Variants in GPSM1 observed in about 807,000 individuals in gnomAD.
The protein encoded by GPSM1 is G protein-signaling modulator 1.
A neutral mutation model predicts 70.5 loss-of-function variants in GPSM1; 48 were observed. The ratio of observed to expected loss-of-function variants is 0.68; its 90% CI spans 0.54 to 0.87. The LOEUF is 0.87. GPSM1 is among the 40% of genes least tolerant of loss of function. The pLI is 0.00. For missense variants in GPSM1, 981 were observed against 972.6 expected (o/e 1.01, Z -0.11); for synonymous variants, 416 against 430.1 (o/e 0.97, Z 0.41).
intron 11 of GPSM1, among the ~76,000 whole-genome samples, chr9:136,350,293 G>T (rs1338018883): frequency 6.6e-6 from 1 of 152,248 alleles, no homozygotes; most frequent in Non-Finnish European, 1.5e-5. Context: ...GGCCAGTGAG[G>T]TCAAGCCTGT....
chr9:136,354,045 G>A (rs907086938), intron 11 of GPSM1, among the ~76,000 whole-genome samples: 1 of 152,176 alleles, frequency 6.6e-6, no homozygotes, highest in Admixed American at 6.5e-5. Context: ...CAGGAGGAGA[G>A]CCCTGCGGGG....
intron 11 of GPSM1, among the ~76,000 whole-genome samples, chr9:136,353,485 C>T (rs1832726121): frequency 6.6e-6 from 1 of 152,172 alleles, no homozygotes; most frequent in Non-Finnish European, 1.5e-5. Context: ...TCCAGGAGCC[C>T]CAAACTATCC....
intron 11 of GPSM1, chr9:136,353,189 G>A: frequency 2.5e-6 from 2 of 795,982 alleles, no homozygotes; most frequent in Non-Finnish European, 3.0e-6. Context: ...CTAACAGGTG[G>A]AGGCTGAGGG....
chr9:136,358,601 C>A lies in GPSM1; in HGVS notation c.*381C>A. ...ACCCTCCCCAAAGGTGTCTCTGAGC[C>A]GCCTCTTGGGGCCACCAAGGACAGG... On this transcript the variant is annotated 3_prime_UTR_variant, in exon 14 of 14. Coordinates refer to ENST00000440944, the MANE Select transcript of GPSM1 (RefSeq NM_001145638.3). The A allele has an allele frequency of 2.9e-6, 1 of 346,006 alleles. No individual in the cohort carries two copies. Among genetic ancestry groups the A allele is most frequent in the South Asian group, 3.2e-5 (1 of 31,410 alleles). The allele number at this position is 346,006 out of a possible 1,614,324, so 21.4% of individuals were successfully genotyped here.
intron 7 of GPSM1, 33 bp from the exon 8 acceptor site, chr9:136,339,674 G>A (rs1832337637): frequency 1.4e-6 from 2 of 1,417,826 alleles, no homozygotes; most frequent in Non-Finnish European, 1.9e-6. Context: ...GCCTGGAGAG[G>A]GCGGGTATGA....
intron 2 of GPSM1, among the ~76,000 whole-genome samples, chr9:136,335,373 G>A (rs1446697859): frequency 2.0e-5 from 3 of 152,098 alleles, no homozygotes; most frequent in East Asian, 3.9e-4. Flanking sequence ...GTCTCCAGTC[G>A]GGTCCAGCCC....
At chr9:136,328,226 T>C (rs1832023608) in intron 1 of GPSM1, among the ~76,000 whole-genome samples, 1 of 152,222 alleles carries the variant, frequency 6.6e-6, no homozygotes, top group Admixed American at 6.5e-5. Flanking sequence ...TGTACCTGCC[T>C]GAAAAGGCAT....
chr9:136,347,376 G>A (rs551916709), intron 9 of GPSM1, among the ~76,000 whole-genome samples: 3 of 152,236 alleles, frequency 2.0e-5, no homozygotes, highest in East Asian at 1.9e-4. Flanking sequence ...GTGTGTCCAC[G>A]GGTGGAGGGA....
At chr9:136,350,674 T>G (rs1554771924) in intron 11 of GPSM1, among the ~76,000 whole-genome samples, 1 of 151,178 alleles carries the variant, frequency 6.6e-6, no homozygotes. Context: ...GGCCCCACCC[T>G]GCCCTACCCC....
rs142609178 is a variant in GPSM1 at position 136,331,269 on chromosome 9, G to A, written c.69-3178G>A. ...CCAGGCCCCACGTGGCCCTGACCCC[G>A]TCAGACCTGGGGCCCTGTTCGCACC... On this transcript the variant is annotated intron_variant, in intron 1 of 13. Transcript: ENST00000440944. 5.2e-3 allele frequency among the ~76,000 whole-genome samples: 787 copies of A among 152,116 alleles called. 12 individuals carry two copies. The highest frequency in any genetic ancestry group is 0.018 in the African/African-American group (748 of 41,482).
At chr9:136,350,915 T>A (rs1436511063) in intron 11 of GPSM1, among the ~76,000 whole-genome samples, 1 of 151,650 alleles carries the variant, frequency 6.6e-6, no homozygotes, top group Non-Finnish European at 1.5e-5. Context: ...GGGGGACAGG[T>A]GACAGGCCGG....
At chr9:136,352,551 G>A (rs956722891) in intron 11 of GPSM1, among the ~76,000 whole-genome samples, 1 of 152,234 alleles carries the variant, frequency 6.6e-6, no homozygotes, top group Non-Finnish European at 1.5e-5. Flanking sequence ...CAGAGAGGCA[G>A]CAACCAGAGG....
chr9:136,336,492 G>A lies in GPSM1; in HGVS notation c.426+391G>A, dbSNP rs1158471757. Among the ~76,000 whole-genome samples, 9 of 152,322 alleles carry A rather than the reference G, an allele frequency of 5.9e-5. No individual in the cohort carries two copies. In the South Asian group the frequency reaches 6.2e-4, roughly 11 times the overall value. On this transcript the variant is annotated intron_variant, in intron 3 of 13. Coordinates refer to ENST00000440944, the MANE Select transcript of GPSM1 (RefSeq NM_001145638.3). ...CAGCAGGAAGAGTGGCTCCGTCTCC[G>A]CTTGTGCTGGACCCGAGACAGGCTT...
chr9:136,356,496 C>A lies in GPSM1; in HGVS notation c.1767C>A (p.His589Gln). The change falls in exon 13 of 14, where the codon CAC becomes CAA. Residue 589 changes from histidine to glutamine, a missense_variant. Coordinates refer to ENST00000440944, the MANE Select transcript of GPSM1 (RefSeq NM_001145638.3). ...THSNAGHLRG[H>Q]GEPQEPGDDF... The stretch of plus-strand genomic sequence containing the variant: ...GCAATGCAGGGCACCTCCGAGGCCA[C>A]GGCGAGCCCCAGGAGCCGGGGGACG... The A allele has an allele frequency of 6.2e-7, 1 of 1,611,706 alleles. No individual in the cohort carries two copies. Among genetic ancestry groups the A allele is most frequent in the Non-Finnish European group, 8.5e-7 (1 of 1,179,256 alleles).
In GPSM1 at chr9:136,357,863, A is replaced by G; in HGVS notation, c.1822-151A>G. ...GCCCGGGCTCCCAGCACAAGACCCC[A>G]GAGCGAGGCAGGCCCCAGAACCAAT... is the stretch of plus-strand genomic sequence containing the variant. On this transcript the variant is annotated intron_variant, in intron 13 of 13. Transcript: ENST00000440944. 3 of 614,988 alleles carry G rather than the reference A, an allele frequency of 4.9e-6. No homozygotes were observed. The South Asian group carries it at 6.1e-5, about 12-fold the overall frequency. 38.1% of individuals were successfully genotyped at this position (614,988 alleles called of 1,614,324 possible).
intron 1 of GPSM1, among the ~76,000 whole-genome samples, chr9:136,333,417 T>TTGCTGGCCTTAAAGCAGGTGGGAGGCCAG (rs1832149740): frequency 6.6e-6 from 1 of 151,496 alleles, no homozygotes; most frequent in East Asian, 2.1e-4. Context: ...AGCCACGGAG[T>TTGCTGGCCTTAAAGCAGGTGGGAGGCCAG]GACCCCACAC....
chr9:136,356,351 C>G lies in GPSM1; in HGVS notation c.1622C>G (p.Ser541Trp). 6.3e-7 allele frequency: 1 copy of G among 1,587,580 alleles called. No homozygotes were observed. Among genetic ancestry groups the G allele is most frequent in the Non-Finnish European group, 8.6e-7 (1 of 1,165,312 alleles). Residue 541 changes from serine (S) to tryptophan (W), a missense_variant, in exon 13 of 14, where the codon TCG (serine) becomes TGG (tryptophan). Coordinates refer to ENST00000440944, the MANE Select transcript of GPSM1 (RefSeq NM_001145638.3). ...CTCTGGCCCCCCGCAGCCCAGCCCTCGATGACGGCCTCGCCCCAGACCGAG... is the reference window on the plus strand; with the variant it reads ...CTCTGGCCCCCCGCAGCCCAGCCCTGGATGACGGCCTCGCCCCAGACCGAG... The part of the protein sequence containing the change: ...PTLEDRIAQP[S>W]MTASPQTEEF...
intron 11 of GPSM1, among the ~76,000 whole-genome samples, chr9:136,352,828 C>CCCG (rs1185718154): frequency 1.3e-5 from 2 of 152,250 alleles, no homozygotes; most frequent in African/African-American, 4.8e-5. Context: ...CTCCAGTGTG[C>CCCG]CCGCCCACAG....
At chr9:136,331,701 C>T (rs28608803) in intron 1 of GPSM1, among the ~76,000 whole-genome samples, 43,883 of 152,144 alleles carry the variant, frequency 0.29, 7,305 homozygotes, top group Middle Eastern at 0.47. Context: ...GGGTGACTGA[C>T]GGGAGGGCAA....
Sources: gnomAD v4.1 joint callset for allele counts (sites outside exome capture counted in the v4.1 genomes callset) on GRCh38, gnomAD v4.1.1 for gene constraint, MANE v1.5 for transcripts, NCBI Gene and HGNC (gene_info 2026-07-23, HGNC 2026-07-21) for gene names.